The following TP63 variants were observed in gnomAD, a reference collection of about 807,000 sequenced individuals.
The protein encoded by TP63 is tumor protein p63.
In TP63, 17 loss-of-function variants were observed where a neutral mutation model predicts 82.8. That is an observed-to-expected ratio of 0.21 (90% CI 0.14 to 0.31). The LOEUF (loss-of-function observed/expected upper bound fraction) is 0.31, where lower values mean the gene tolerates loss of function less well. Among genes scored for constraint, TP63 ranks in the 10% least tolerant of loss-of-function variants. The pLI, the probability that TP63 is intolerant of heterozygous loss-of-function variation, is 1.00. For missense variants in TP63, 648 were observed against 895.3 expected, an observed-to-expected ratio of 0.72 and a Z score of 3.52; for synonymous variants, 330 against 321.7, an observed-to-expected ratio of 1.03 and a Z score of -0.28.
intron 1 of TP63, among the ~76,000 whole-genome samples, chr3:189,660,261 A>G (rs1429987641): frequency 1.3e-5 from 2 of 152,008 alleles, no homozygotes; most frequent in Non-Finnish European, 2.9e-5. Context: ...CATCTTCTGC[A>G]TATTGGTTAG....
At chr3:189,612,652 TG>T in the TP63 span, among the ~76,000 whole-genome samples, 4 of 152,160 alleles carry the variant, frequency 2.6e-5, no homozygotes, top group Non-Finnish European at 5.9e-5. Flanking sequence ...TGGAAGAGTT[TG>T]GAGGGCTCAG....
intron 4 of TP63, among the ~76,000 whole-genome samples, chr3:189,839,040 T>TAAAAAAAA (rs5855274): frequency 1.2e-4 from 11 of 88,598 alleles, no homozygotes; most frequent in African/African-American, 3.8e-4. Context: ...TATCCTAAGC[T>TAAAAAAAA]AAAAAAAAAA....
chr3:189,746,600 G>A (rs1250626597), intron 3 of TP63, among the ~76,000 whole-genome samples: 1 of 151,684 alleles, frequency 6.6e-6, no homozygotes, highest in Non-Finnish European at 1.5e-5. Flanking sequence ...TAACATATAA[G>A]ATAACATAAA....
At chr3:189,830,561 A>T (rs1712166391) in intron 4 of TP63, among the ~76,000 whole-genome samples, 1 of 152,192 alleles carries the variant, frequency 6.6e-6, no homozygotes, top group Non-Finnish European at 1.5e-5. Flanking sequence ...TCTCAAATAT[A>T]TTCATTTACT....
the TP63 span, among the ~76,000 whole-genome samples, chr3:189,602,043 G>A: frequency 3.3e-5 from 5 of 152,106 alleles, no homozygotes; most frequent in African/African-American, 1.2e-4. Flanking sequence ...GGTGTGTGTG[G>A]CTTCTAGCTT....
chr3:189,870,640 A>T (rs1412025149), intron 9 of TP63, among the ~76,000 whole-genome samples: 1 of 152,166 alleles, frequency 6.6e-6, no homozygotes, highest in Non-Finnish European at 1.5e-5. Flanking sequence ...GAACCTCATT[A>T]ATTCCTACAA....
At chr3:189,750,125 G>GAAAAA (rs71175309) in intron 3 of TP63, among the ~76,000 whole-genome samples, 2 of 95,512 alleles carry the variant, frequency 2.1e-5, no homozygotes, top group Non-Finnish European at 2.2e-5. Context: ...CTCTGTCTCA[G>GAAAAA]AAAAAAAAAA....
chr3:189,795,979 A>C (rs1476435557), intron 3 of TP63, among the ~76,000 whole-genome samples: 1 of 152,096 alleles, frequency 6.6e-6, no homozygotes, highest in Non-Finnish European at 1.5e-5. Flanking sequence ...AGCTAGGAAC[A>C]AAATTCAAAC....
At chr3:189,779,142 C>G (rs965199021) in intron 3 of TP63, among the ~76,000 whole-genome samples, 1 of 152,156 alleles carries the variant, frequency 6.6e-6, no homozygotes, top group East Asian at 1.9e-4. Flanking sequence ...TACTTTTAAG[C>G]AACATATATA....
At chr3:189,717,294 A>G (rs570052417) in intron 1 of TP63, among the ~76,000 whole-genome samples, 1 of 152,258 alleles carries the variant, frequency 6.6e-6, no homozygotes, top group Non-Finnish European at 1.5e-5. Flanking sequence ...ATGCAAACAC[A>G]TGCTTCATCT....
At chr3:189,756,534 TTTTC>T (rs1157272369) in intron 3 of TP63, among the ~76,000 whole-genome samples, 1 of 151,936 alleles carries the variant, frequency 6.6e-6, no homozygotes, top group Non-Finnish European at 1.5e-5. Context: ...AGGGAAAGAG[TTTTC>T]TTTCTTCTAT....
intron 8 of TP63, among the ~76,000 whole-genome samples, chr3:189,869,094 C>T (rs1047046823): frequency 5.3e-5 from 8 of 152,176 alleles, no homozygotes; most frequent in Non-Finnish European, 1.0e-4. Context: ...CCCTACCATC[C>T]TTCCACCTCC....
In TP63 at chr3:189,896,579, A is replaced by G; in HGVS notation, c.*2077A>G. Reference sequence around the variant, plus strand: ...GCAGCTTTGCAAACCCATTAAGGGGAAGAATGAAAGCTGTTCCTTGGTCCT... The same window carrying G: ...GCAGCTTTGCAAACCCATTAAGGGGGAGAATGAAAGCTGTTCCTTGGTCCT... On this transcript the variant is annotated 3_prime_UTR_variant, in exon 14 of 14. Transcript: ENST00000264731. 1 of 211,380 alleles carries G rather than the reference A, an allele frequency of 4.7e-6. No homozygotes were observed. The highest frequency in any genetic ancestry group is 7.1e-5 in the East Asian group (1 of 14,122). 13.1% of individuals were successfully genotyped at this position (211,380 alleles called of 1,614,324 possible).
At position 189,890,779 on chromosome 3, in the gene TP63, C is replaced by T. The variant is rs1720936506; in HGVS notation, c.1653-10C>T. 4 of 1,613,060 alleles carry T rather than the reference C, an allele frequency of 2.5e-6. No homozygotes were observed. Among genetic ancestry groups the T allele is most frequent in the Non-Finnish European group, 3.4e-6 (4 of 1,179,226 alleles). On this transcript the variant is annotated splice_polypyrimidine_tract_variant and intron_variant, in intron 12 of 13. Transcript: ENST00000264731. ...TGTTTCCTCCTTCCTCTTCCCTCCT[C>T]CCTCTGCAGTTTCTTAGCGAGGTTG...
chr3:189,871,820 C>A (rs923658811), intron 9 of TP63, among the ~76,000 whole-genome samples: 19 of 152,174 alleles, frequency 1.2e-4, no homozygotes, highest in African/African-American at 4.3e-4. Context: ...CTCCCAGACT[C>A]CAGCAATCCT....
chr3:189,826,776 A>G (rs141151277), intron 4 of TP63, among the ~76,000 whole-genome samples: 18 of 152,312 alleles, frequency 1.2e-4, no homozygotes, highest in African/African-American at 4.3e-4. Context: ...TTTGTATGGT[A>G]TGCATGTGCA....
chr3:189,690,156 C>T (rs573722663), intron 1 of TP63, among the ~76,000 whole-genome samples: 1 of 152,198 alleles, frequency 6.6e-6, no homozygotes, highest in Non-Finnish European at 1.5e-5. Flanking sequence ...CTTCCAATCT[C>T]CTGGTAAACC....
the TP63 span, among the ~76,000 whole-genome samples, chr3:189,606,825 C>A: frequency 4.6e-5 from 7 of 152,070 alleles, no homozygotes; most frequent in East Asian, 1.4e-3. Flanking sequence ...CCGCAATGAT[C>A]TCTTAATATA....
intron 13 of TP63, among the ~76,000 whole-genome samples, 192 bp downstream of exon 13, chr3:189,891,074 C>T (rs917918551): frequency 6.6e-6 from 1 of 152,178 alleles, no homozygotes; most frequent in East Asian, 1.9e-4. Flanking sequence ...AGAAGCTTAG[C>T]AATCAATCTT....
Sources: gnomAD v4.1 joint callset for allele counts (sites outside exome capture counted in the v4.1 genomes callset) on GRCh38, gnomAD v4.1.1 for gene constraint, MANE v1.5 for transcripts, NCBI Gene and HGNC (gene_info 2026-07-23, HGNC 2026-07-21) for gene names.